SYN3: variants seen among roughly 807,000 people sequenced by gnomAD.
SYN3 encodes synapsin-3.
A neutral mutation model predicts 65.8 loss-of-function variants in SYN3; 35 were observed. The observed-to-expected ratio is 0.53, with a 90% CI of 0.41 to 0.70. SYN3 has a LOEUF of 0.70. SYN3 is among the 30% of genes least tolerant of loss of function. The pLI, the probability that SYN3 is intolerant of heterozygous loss-of-function variation, is 0.00. For synonymous variants in SYN3, 270 were observed against 292.9 expected (o/e 0.92, Z 0.80); for missense variants, 680 against 749.0 (o/e 0.91, Z 1.08).
chr22:32,569,571 C>CTCTCTATATATATA (rs1205661126), intron 7 of SYN3, among the ~76,000 whole-genome samples: 3 of 90,926 alleles, frequency 3.3e-5, no homozygotes, highest in Admixed American at 1.3e-4. Flanking sequence ...CTCTCTCTCT[C>CTCTCTATATATATA]TATATATATA....
intron 6 of SYN3, among the ~76,000 whole-genome samples, chr22:32,841,356 G>A (rs1196219017): frequency 6.6e-6 from 1 of 152,202 alleles, no homozygotes; most frequent in Non-Finnish European, 1.5e-5. Context: ...AGGAGGGGGA[G>A]GAATGTGCAT....
At chr22:32,751,377 G>C (rs2045118469) in intron 6 of SYN3, among the ~76,000 whole-genome samples, 1 of 152,192 alleles carries the variant, frequency 6.6e-6, no homozygotes, top group African/African-American at 2.4e-5. Context: ...CAGGGGAAAG[G>C]CGAAAGTGCT....
intron 4 of SYN3, among the ~76,000 whole-genome samples, chr22:32,908,104 G>A (rs904744362): frequency 7.0e-6 from 1 of 142,658 alleles, no homozygotes; most frequent in African/African-American, 2.6e-5. Flanking sequence ...TTTTTTTTTT[G>A]AGACAGAGTC....
At chr22:32,793,663 C>T (rs1419189369) in intron 6 of SYN3, among the ~76,000 whole-genome samples, 1 of 152,208 alleles carries the variant, frequency 6.6e-6, no homozygotes, top group Non-Finnish European at 1.5e-5. Context: ...GAGGACCCTG[C>T]CCCTATCCTC....
chr22:32,856,237 C>G (rs1427376), intron 6 of SYN3, among the ~76,000 whole-genome samples: 22,676 of 152,006 alleles, frequency 0.15, 1,932 homozygotes, highest in Non-Finnish European at 0.2. Context: ...TTTGTCACAG[C>G]TACTTCTCTG....
intron 4 of SYN3, among the ~76,000 whole-genome samples, chr22:32,895,685 T>A (rs1471841200): frequency 6.6e-6 from 1 of 152,228 alleles, no homozygotes; most frequent in Non-Finnish European, 1.5e-5. Context: ...TCCTGACGCA[T>A]GCAATTATCT....
intron 2 of SYN3, among the ~76,000 whole-genome samples, chr22:32,993,042 G>A (rs1385912367): frequency 3.3e-5 from 5 of 152,062 alleles, no homozygotes; most frequent in African/African-American, 7.2e-5. Flanking sequence ...AGAACAAGCC[G>A]GGCTTGTTCT....
intron 6 of SYN3, among the ~76,000 whole-genome samples, chr22:32,697,996 A>T (rs1459419559): frequency 6.6e-6 from 1 of 152,174 alleles, no homozygotes; most frequent in East Asian, 1.9e-4. Context: ...GTTGACATCT[A>T]GGTGGCCCCC....
At chr22:32,570,663 A>G (rs1198428476) in intron 7 of SYN3, among the ~76,000 whole-genome samples, 1 of 152,056 alleles carries the variant, frequency 6.6e-6, no homozygotes, top group African/African-American at 2.4e-5. Context: ...AACAGCTTAG[A>G]ATCTCAGTGT....
In SYN3 at chr22:32,652,915, C is replaced by T. The variant is rs140764559; in HGVS notation, c.712-56179G>A. Reference sequence around the variant, plus strand: ...TCGAGGAAAAGATGACTTCTCCCTACGTTTTCAGTTCAAACCTCACAGTCA... The same window carrying T: ...TCGAGGAAAAGATGACTTCTCCCTATGTTTTCAGTTCAAACCTCACAGTCA... On this transcript the variant is annotated intron_variant, in intron 6 of 13. Transcript: ENST00000358763. 2.8e-3 allele frequency among the ~76,000 whole-genome samples: 432 copies of T among 152,310 alleles called. 2 individuals are homozygous for T. The highest frequency in any genetic ancestry group is 4.9e-3 in the Non-Finnish European group (332 of 68,028).
chr22:33,054,148 C>G (rs1028487585), intron 1 of SYN3, among the ~76,000 whole-genome samples: 2 of 152,150 alleles, frequency 1.3e-5, no homozygotes, highest in African/African-American at 4.8e-5. Context: ...CTCCTCCTCT[C>G]TCTCTCACAC....
At chr22:32,556,524 T>G (rs1244219452) in intron 7 of SYN3, among the ~76,000 whole-genome samples, 1 of 152,208 alleles carries the variant, frequency 6.6e-6, no homozygotes, top group Non-Finnish European at 1.5e-5. Flanking sequence ...ATGTTTCCTT[T>G]GAAAATTAAA....
At chr22:32,870,663 C>A (rs1347098806) in intron 4 of SYN3, among the ~76,000 whole-genome samples, 2 of 152,160 alleles carry the variant, frequency 1.3e-5, no homozygotes, top group Non-Finnish European at 2.9e-5. Context: ...CTCATTACAG[C>A]CTCACCAGCA....
chr22:32,695,536 G>A (rs1232061394), intron 6 of SYN3, among the ~76,000 whole-genome samples: 11 of 152,198 alleles, frequency 7.2e-5, no homozygotes, highest in Admixed American at 7.2e-4. Context: ...AGGTTTTGAA[G>A]CATTCCCATG....
chr22:32,818,916 G>T (rs1396551581), intron 6 of SYN3, among the ~76,000 whole-genome samples: 1 of 152,178 alleles, frequency 6.6e-6, no homozygotes, highest in African/African-American at 2.4e-5. Context: ...GCCAGCCAGC[G>T]GGGTCACTTG....
chr22:32,783,803 A>G (rs1014873627), intron 6 of SYN3, among the ~76,000 whole-genome samples: 6 of 152,080 alleles, frequency 3.9e-5, no homozygotes, highest in African/African-American at 4.8e-5. Flanking sequence ...AAACAAACCA[A>G]TCTCATCTTT....
At chr22:32,618,815 T>G (rs1005398935) in intron 6 of SYN3, among the ~76,000 whole-genome samples, 23 of 152,262 alleles carry the variant, frequency 1.5e-4, no homozygotes, top group Admixed American at 1.3e-3. Flanking sequence ...AAGTTCAAAG[T>G]GGGCCACAGC....
rs1009732777 is a variant in SYN3, at chr22:32,510,253, C to T, written c.*3439G>A. 6.6e-6 allele frequency among the ~76,000 whole-genome samples: 1 copy of T among 152,188 alleles called. No individual in the cohort carries two copies. The highest frequency in any genetic ancestry group is 6.5e-5 in the Admixed American group (1 of 15,272). ...GGTTTGCTGGTCTCACATCAAAGTG[C>T]ATTCAAAGTGGGGAGATTGACAAAG... On this transcript the variant is annotated 3_prime_UTR_variant, in exon 14 of 14. Transcript: ENST00000358763.
At chr22:32,702,947 T>C (rs1158334363) in intron 6 of SYN3, among the ~76,000 whole-genome samples, 2 of 152,200 alleles carry the variant, frequency 1.3e-5, no homozygotes, top group African/African-American at 4.8e-5. Flanking sequence ...TTCTGGTCAA[T>C]TGGATTTCGT....
Sources: gnomAD v4.1 joint callset for allele counts (sites outside exome capture counted in the v4.1 genomes callset) on GRCh38, gnomAD v4.1.1 for gene constraint, MANE v1.5 for transcripts, NCBI Gene and HGNC (gene_info 2026-07-23, HGNC 2026-07-21) for gene names.